THAP4: variants seen among roughly 807,000 people sequenced by gnomAD.
The protein encoded by THAP4 is THAP domain containing 4, also known as peroxynitrite isomerase THAP4.
Under a neutral mutation model 48.1 loss-of-function variants are expected in THAP4, and 18 were observed. That is an observed-to-expected ratio of 0.37 (90% CI 0.26 to 0.56). THAP4 has a LOEUF of 0.56. Among genes scored for constraint, THAP4 ranks in the 20% least tolerant of loss-of-function variants. The probability of loss-of-function intolerance (pLI) is 0.78; values close to 1 mark genes in which losing one functional copy is unlikely to be tolerated. For missense variants in THAP4, 656 were observed against 774.9 expected, an observed-to-expected ratio of 0.85 and a Z score of 1.82; for synonymous variants, 345 against 324.9, an observed-to-expected ratio of 1.06 and a Z score of -0.66.
At chr2:241,590,799 G>A (rs1323173406) in intron 5 of THAP4, among the ~76,000 whole-genome samples, 6 of 151,716 alleles carry the variant, frequency 4.0e-5, no homozygotes, top group Admixed American at 2.6e-4. Context: ...AGAGCTGCTC[G>A]GCTGATGATA....
At chr2:241,588,804 T>C (rs1048958318) in intron 5 of THAP4, among the ~76,000 whole-genome samples, 25 of 152,158 alleles carry the variant, frequency 1.6e-4, no homozygotes, top group African/African-American at 5.8e-4. Flanking sequence ...CTTAAAACTA[T>C]AAAACTTCTT....
In THAP4 at chr2:241,633,027, C is replaced by A; in HGVS notation, c.1130G>T (p.Arg377Leu). The A allele has an allele frequency of 6.2e-7, 1 of 1,613,846 alleles. No homozygotes were observed. The highest frequency in any genetic ancestry group is 8.5e-7 in the Non-Finnish European group (1 of 1,180,006). Residue 377 changes from arginine to leucine, a missense_variant, in exon 2 of 6, where the codon CGG becomes CTG. Arg to Leu is a moderately radical substitution (Grantham distance 102). Around this residue, in one of 4 missense-constraint regions of THAP4, gnomAD observed 391 missense variants for 412.4 expected, o/e 0.95. Coordinates refer to ENST00000407315, the MANE Select transcript of THAP4 (RefSeq NM_015963.6). This position sits in a 1 kb window ranked among gnomAD's most constrained non-coding sequence, Gnocchi z 7.5. ...GCTGTCGGAGCGGCTGACCCTCTGC[C>A]GCAGGCTCTTCAGCTCGCCGTTCTT... is the stretch of plus-strand genomic sequence containing the variant. Reference protein sequence around the residue: ...EKKNGELKSLRQRVSRSDSQV... With the variant: ...EKKNGELKSLLQRVSRSDSQV...
upstream of THAP4, chr2:241,637,188 C>T (rs1265006527): frequency 7.1e-6 from 7 of 983,784 alleles, no homozygotes; most frequent in Non-Finnish European, 8.4e-6. Flanking sequence ...GCGGGCCCGC[C>T]CCCGCCCCAG....
At chr2:241,609,054 G>A (rs2067227312) in intron 2 of THAP4, among the ~76,000 whole-genome samples, 2 of 152,234 alleles carry the variant, frequency 1.3e-5, no homozygotes, top group Non-Finnish European at 2.9e-5. Context: ...AGAAGCCCTC[G>A]AGAAGGCTGA....
chr2:241,601,656 T>C lies in THAP4; in HGVS notation c.1614+240A>G, dbSNP rs2067114273. 6.6e-6 allele frequency among the ~76,000 whole-genome samples: 1 copy of C among 152,094 alleles called. No homozygotes were observed. The highest frequency in any genetic ancestry group is 2.4e-5 in the African/African-American group (1 of 41,398). On this transcript the variant is annotated intron_variant, in intron 5 of 5. Transcript: ENST00000407315. The surrounding 1 kb of genome is among the most constrained non-coding windows in gnomAD (Gnocchi z 4.0). Reference sequence around the variant, plus strand: ...CGTGGACAACCCAAATGCAAAAGGATGTTTGTGACAAACAACAAACCTCAA... The same window carrying C: ...CGTGGACAACCCAAATGCAAAAGGACGTTTGTGACAAACAACAAACCTCAA...
At chr2:241,605,566 T>A (rs1003495927) in intron 3 of THAP4, among the ~76,000 whole-genome samples, 1 of 152,178 alleles carries the variant, frequency 6.6e-6, no homozygotes, top group Non-Finnish European at 1.5e-5. Flanking sequence ...TGGGAAGGGA[T>A]ACTGAGGGAC....
At chr2:241,624,441 C>G (rs187813131) in intron 2 of THAP4, among the ~76,000 whole-genome samples, 1 of 151,696 alleles carries the variant, frequency 6.6e-6, no homozygotes, top group East Asian at 1.9e-4. Context: ...GAGCCGAGAT[C>G]GCGCCACTGT....
chr2:241,627,440 G>T (rs1226615255), intron 2 of THAP4, among the ~76,000 whole-genome samples: 1 of 152,196 alleles, frequency 6.6e-6, no homozygotes, highest in South Asian at 2.1e-4. Context: ...GTTCATAGAC[G>T]TGCTAACAAT....
At chr2:241,621,112 C>T (rs1165406173) in intron 2 of THAP4, among the ~76,000 whole-genome samples, 2 of 152,140 alleles carry the variant, frequency 1.3e-5, no homozygotes, top group East Asian at 3.9e-4. Flanking sequence ...CTTTGGGAGG[C>T]CAAGGTGGGT....
chr2:241,624,839 G>A (rs534289500), intron 2 of THAP4, among the ~76,000 whole-genome samples: 1 of 152,250 alleles, frequency 6.6e-6, no homozygotes, highest in East Asian at 1.9e-4. Flanking sequence ...CATTCCAAGG[G>A]ATTAGGAGCT....
intron 5 of THAP4, among the ~76,000 whole-genome samples, chr2:241,597,673 G>T (rs2067066034): frequency 6.6e-6 from 1 of 152,156 alleles, no homozygotes; most frequent in Admixed American, 6.5e-5. Flanking sequence ...TCTCCTTCTA[G>T]CCTCAAGGTC....
chr2:241,633,067 C>A lies in THAP4; in HGVS notation c.1090G>T (p.Glu364Ter). ...QNKSQVCCLR[E>*]QVEKKNGELK... ...TCGCCGTTCTTCTTCTCCACCTGCT[C>A]CCGCAGGCAGCACACCTGGCTCTTG... Residue 364 changes from glutamate to a stop codon, truncating the protein, a stop_gained, in exon 2 of 6, where the codon GAG becomes TAG. Transcript: ENST00000407315. LOFTEE classifies it high-confidence loss of function. The surrounding 1 kb of genome is among the most constrained non-coding windows in gnomAD (Gnocchi z 7.5). 1 of 1,614,012 alleles carries A rather than the reference C, an allele frequency of 6.2e-7. No individual in the cohort carries two copies.
rs781746331 is a variant in THAP4, at chr2:241,601,998, G to A, written c.1512C>T (p.Gly504=). 26 of 1,610,632 alleles carry A rather than the reference G, an allele frequency of 1.6e-5. No individual in the cohort carries two copies. The African/African-American group carries it at 2.1e-4, about 13-fold the overall frequency. The change falls in exon 5 of 6, where the codon GGC becomes GGT. Residue 504 remains glycine (G), a splice_region_variant and synonymous_variant. Transcript: ENST00000407315. The surrounding 1 kb of genome is among the most constrained non-coding windows in gnomAD (Gnocchi z 4.0). The part of the protein sequence containing the change: ...KVAFVSAQNT[G]VVEVEEGEVN... ...CCTCGCCCTCCTCCACTTCCACCAC[G>A]CCTGCAAGGGAAGGGCAGTCAGCTC...
chr2:241,585,570 G>A (rs2066883115), intron 5 of THAP4, among the ~76,000 whole-genome samples: 2 of 152,172 alleles, frequency 1.3e-5, no homozygotes, highest in Admixed American at 6.5e-5. Flanking sequence ...CAAAGAGAAG[G>A]AAGTGTGGAG....
At position 241,627,741 on chromosome 2, in the gene THAP4, C is replaced by T. The variant is rs1003686448; in HGVS notation, c.1240+5176G>A. On this transcript the variant is annotated intron_variant, in intron 2 of 5. Transcript: ENST00000407315. ...CAGACCCCAGGGCCTGCGACGCCGG[C>T]GTGACAGACTGCAACCCCAGGGAGA... is the stretch of plus-strand genomic sequence containing the variant. 4.6e-5 allele frequency among the ~76,000 whole-genome samples: 7 copies of T among 152,206 alleles called. 1 individual carries two copies. Among genetic ancestry groups the T allele is most frequent in the Admixed American group, 3.9e-4 (6 of 15,278 alleles).
intron 2 of THAP4, 23 bp downstream of exon 2, chr2:241,632,894 G>GT (rs1240472456): frequency 1.9e-6 from 3 of 1,542,324 alleles, no homozygotes; most frequent in Non-Finnish European, 2.6e-6. Context: ...GGGAACATGG[G>GT]TACGCGAGGC....
rs182824944 is a variant in THAP4 at position 241,586,114 on chromosome 2, G to A, written c.1615-1389C>T. Among the ~76,000 whole-genome samples the A allele has an allele frequency of 4.1e-3, 623 of 150,918 alleles. 2 individuals carry two copies. The highest frequency in any genetic ancestry group is 0.014 in the African/African-American group (585 of 41,134). ...ACTAAAAATACAAAAAAAATTAGCC[G>A]GGTGTGGTGGCGGGTGCCTGTAGTC... is the stretch of plus-strand genomic sequence containing the variant. On this transcript the variant is annotated intron_variant, in intron 5 of 5. Transcript: ENST00000407315.
intron 2 of THAP4, among the ~76,000 whole-genome samples, chr2:241,630,317 C>T (rs560296345): frequency 1.4e-4 from 21 of 152,150 alleles, no homozygotes; most frequent in African/African-American, 5.1e-4. Flanking sequence ...TTAAGGAACA[C>T]GCCAGGAACC....
intron 5 of THAP4, among the ~76,000 whole-genome samples, chr2:241,599,647 G>A (rs1307124035): frequency 2.0e-5 from 3 of 152,060 alleles, no homozygotes; most frequent in East Asian, 1.9e-4. Flanking sequence ...TAAAGTCACC[G>A]TAATACACTG....
Sources: allele counts gnomAD v4.1 joint callset (sites outside exome capture counted in the v4.1 genomes callset), GRCh38; gene constraint gnomAD v4.1.1; regional missense constraint gnomAD v4.1.1; non-coding constraint Gnocchi (gnomAD v3.1); transcripts MANE v1.5; gene names NCBI Gene and HGNC (gene_info 2026-07-23, HGNC 2026-07-21).